HMBOX1: variants seen among roughly 807,000 people sequenced by gnomAD.
HMBOX1 encodes the protein homeobox-containing protein 1.
HMBOX1 carries 14 observed loss-of-function variants against 54.5 expected under a neutral mutation model. That is an observed-to-expected ratio of 0.26 (90% CI 0.17 to 0.40). The LOEUF is 0.40. HMBOX1 is among the 10% of genes least tolerant of loss of function. HMBOX1 has a pLI of 1.00. For synonymous variants in HMBOX1, 160 were observed against 181.0 expected (o/e 0.88, Z 0.93); for missense variants, 332 against 514.4 (o/e 0.65, Z 3.43).
At chr8:28,919,191 C>G (rs1817113653) in intron 1 of HMBOX1, among the ~76,000 whole-genome samples, 3 of 152,214 alleles carry the variant, frequency 2.0e-5, no homozygotes, top group African/African-American at 7.2e-5. Flanking sequence ...GGTTCCAGGA[C>G]TCCCTTTGGC....
At chr8:28,945,944 C>CTT (rs58698981) in intron 1 of HMBOX1, among the ~76,000 whole-genome samples, 64 of 129,216 alleles carry the variant, frequency 5.0e-4, no homozygotes, top group Admixed American at 9.4e-4. Flanking sequence ...AGGGCATATT[C>CTT]TTTTTTTTTT....
In HMBOX1 at chr8:28,944,334, A is replaced by C. The variant is rs567830779; in HGVS notation, c.-57-19477A>C. On this transcript the variant is annotated intron_variant, in intron 1 of 9. Transcript: ENST00000287701. ...GTAACTAGGAACAGAAAATACAGAC[A>C]TTTGTTATGTTCTCTTCATGATCTC... Among the ~76,000 whole-genome samples the C allele has an allele frequency of 4.6e-5, 7 of 152,340 alleles. No individual in the cohort carries two copies. The South Asian group carries it at 1.5e-3, about 32-fold the overall frequency.
rs1423696397 is a variant in HMBOX1 at position 29,051,954 on chromosome 8, CT to C, written c.*800del. On this transcript the variant is annotated 3_prime_UTR_variant, in exon 10 of 10. Transcript: ENST00000287701. ...GAGCATTGGAAAAAAAAAATATGAG[CT>C]GAATGTCTAATGGATGCTAAGTCCA... 5.0e-6 allele frequency: 1 copy of C among 199,028 alleles called. No individual in the cohort carries two copies. The highest frequency in any genetic ancestry group is 1.0e-5 in the Non-Finnish European group (1 of 98,082). The allele number at this position is 199,028 out of a possible 1,614,324, so 12.3% of individuals were successfully genotyped here. A position where few individuals can be genotyped will look rare whatever the true frequency, so the allele number is the denominator to read the frequency against.
chr8:28,912,936 T>TG (rs1815745229), intron 1 of HMBOX1, among the ~76,000 whole-genome samples: 2 of 152,244 alleles, frequency 1.3e-5, no homozygotes, highest in African/African-American at 4.8e-5. Flanking sequence ...TATTGCTTAT[T>TG]GTAGGAAATG....
At chr8:28,898,995 G>A (rs574562002) in intron 1 of HMBOX1, among the ~76,000 whole-genome samples, 6 of 152,302 alleles carry the variant, frequency 3.9e-5, no homozygotes, top group Admixed American at 1.3e-4. Context: ...CTAGCAGTGC[G>A]TGATGAGGTA....
intron 1 of HMBOX1, among the ~76,000 whole-genome samples, chr8:28,905,613 A>G (rs1814174917): frequency 6.6e-6 from 1 of 152,222 alleles, no homozygotes; most frequent in South Asian, 2.1e-4. Context: ...CTGCCTATCT[A>G]GAAGTGATTC....
chr8:29,013,100 C>T (rs772773850), intron 5 of HMBOX1, among the ~76,000 whole-genome samples: 5 of 152,224 alleles, frequency 3.3e-5, no homozygotes, highest in Non-Finnish European at 5.9e-5. Flanking sequence ...TATTCCTGGG[C>T]GTTGGAGCAT....
At chr8:28,919,319 G>T (rs1044874148) in intron 1 of HMBOX1, among the ~76,000 whole-genome samples, 2 of 152,112 alleles carry the variant, frequency 1.3e-5, no homozygotes, top group African/African-American at 4.8e-5. Context: ...AGTATTTATT[G>T]TATTATAGCC....
intron 3 of HMBOX1, among the ~76,000 whole-genome samples, chr8:28,977,639 T>G (rs1231244671): frequency 6.6e-6 from 1 of 152,152 alleles, no homozygotes; most frequent in East Asian, 1.9e-4. Flanking sequence ...TGAATGCATA[T>G]TTGTCAAAGA....
At chr8:29,017,973 CAGAG>C (rs1800582092) in intron 5 of HMBOX1, among the ~76,000 whole-genome samples, 1 of 152,074 alleles carries the variant, frequency 6.6e-6, no homozygotes, top group Non-Finnish European at 1.5e-5. Context: ...AAACTACAGG[CAGAG>C]AGAATTTTTT....
intron 1 of HMBOX1, chr8:28,915,794 G>C (rs191664335): frequency 6.6e-6 from 1 of 151,998 alleles, no homozygotes; most frequent in Non-Finnish European, 1.5e-5. Flanking sequence ...CAGAACTCCT[G>C]GGTTCAAGTG....
intron 4 of HMBOX1, among the ~76,000 whole-genome samples, chr8:29,002,846 T>G (rs1487825431): frequency 2.0e-5 from 3 of 152,176 alleles, no homozygotes; most frequent in Non-Finnish European, 4.4e-5. Context: ...GATCTTGGAA[T>G]TAGTGTATTT....
chr8:28,940,267 A>G (rs1042964269), intron 1 of HMBOX1, among the ~76,000 whole-genome samples: 4 of 152,162 alleles, frequency 2.6e-5, no homozygotes, highest in African/African-American at 9.7e-5. Context: ...TCAGCCTCCC[A>G]AAGTGCTGGG....
At chr8:28,914,088 G>A (rs1207759965) in intron 1 of HMBOX1, among the ~76,000 whole-genome samples, 2 of 151,822 alleles carry the variant, frequency 1.3e-5, no homozygotes, top group African/African-American at 2.4e-5. Flanking sequence ...GGCTGGTCTC[G>A]AACTCCTGAC....
At chr8:29,013,947 A>C (rs904839920) in intron 5 of HMBOX1, among the ~76,000 whole-genome samples, 1 of 152,214 alleles carries the variant, frequency 6.6e-6, no homozygotes, top group Non-Finnish European at 1.5e-5. Context: ...CATGAGATAA[A>C]TGTCATCAGA....
upstream of HMBOX1, chr8:28,890,253 A>C: frequency 5.2e-6 from 1 of 191,458 alleles, no homozygotes. Flanking sequence ...CCTCCTCCCA[A>C]AGGGAAGGCG....
At chr8:28,958,256 T>C in intron 1 of HMBOX1, among the ~76,000 whole-genome samples, 1 of 152,208 alleles carries the variant, frequency 6.6e-6, no homozygotes, top group Admixed American at 6.5e-5. Context: ...CGTGAGCCAC[T>C]GCAGACAGCT....
chr8:28,992,426 T>C (rs954790032), intron 4 of HMBOX1, among the ~76,000 whole-genome samples: 4 of 152,216 alleles, frequency 2.6e-5, no homozygotes, highest in African/African-American at 9.6e-5. Flanking sequence ...CAGATTGACT[T>C]TCCTAAAGCT....
chr8:28,973,803 G>GTTTTTTTTTTTTTTTTTTGTT (rs1827851380), intron 3 of HMBOX1, among the ~76,000 whole-genome samples: 1 of 72,618 alleles, frequency 1.4e-5, no homozygotes, highest in Non-Finnish European at 2.6e-5. Context: ...ACATAATGGA[G>GTTTTTTTTTTTTTTTTTTGTT]TTTTTTTTTT....
Sources: allele counts gnomAD v4.1 joint callset (sites outside exome capture counted in the v4.1 genomes callset), GRCh38; gene constraint gnomAD v4.1.1; transcripts MANE v1.5; gene names NCBI Gene and HGNC (gene_info 2026-07-23, HGNC 2026-07-21).